Variants in NBPF19 observed in about 807,000 individuals in gnomAD.
The protein encoded by NBPF19 is NBPF family member NBPF19.
A neutral mutation model predicts 45.9 loss-of-function variants in NBPF19; 30 were observed. The observed-to-expected ratio is 0.65, with a 90% CI of 0.49 to 0.89. The LOEUF (loss-of-function observed/expected upper bound fraction) is 0.89. Among genes scored for constraint, NBPF19 ranks in the 40% least tolerant of loss-of-function variants. The pLI is 0.00. For missense variants in NBPF19, 495 were observed against 471.8 expected (o/e 1.05, Z -0.46); for synonymous variants, 183 against 181.2 (o/e 1.01, Z -0.08).
Position 149,554,785 on chromosome 1 carries a change from A to G in NBPF19, c.*47A>G, listed in dbSNP as rs1232025765. 10 of 1,606,386 alleles carry G rather than the reference A, an allele frequency of 6.2e-6. No homozygotes were observed. The highest frequency in any genetic ancestry group is 3.3e-5 in the Admixed American group (2 of 59,832). On this transcript the variant is annotated 3_prime_UTR_variant, in exon 94 of 94. Transcript: ENST00000651566. ...GATGTCATTCCTGCAGGCAGGACCT[A>G]TAGGCACGTGAAGATTTGAATGAAA...
chr1:149,494,140 C>A (rs2085988607), intron 17 of NBPF19, among the ~76,000 whole-genome samples, 178 bp from the exon 18 acceptor site: 1 of 131,190 alleles, frequency 7.6e-6, no homozygotes, highest in Non-Finnish European at 1.6e-5. Flanking sequence ...CTTTCTCTTT[C>A]ATTCTTCTCT....
At chr1:149,478,431 A>G (rs1272555570) in intron 3 of NBPF19, among the ~76,000 whole-genome samples, 30 of 151,222 alleles carry the variant, frequency 2.0e-4, no homozygotes, top group Middle Eastern at 6.9e-3. Context: ...CACTCAATCA[A>G]TGTTGCCTTC....
At chr1:149,487,581 C>G (rs1304068745) in intron 9 of NBPF19, among the ~76,000 whole-genome samples, 198 bp downstream of exon 9, 1 of 150,794 alleles carries the variant, frequency 6.6e-6, no homozygotes, top group Non-Finnish European at 1.5e-5. Flanking sequence ...ATTTACTAAC[C>G]TAGTGAAAGT....
chr1:149,483,794 T>A (rs1285038892), intron 7 of NBPF19, among the ~76,000 whole-genome samples: 1 of 62,738 alleles, frequency 1.6e-5, no homozygotes, highest in Non-Finnish European at 3.0e-5. Flanking sequence ...TATGAAGCTT[T>A]GTTTGGCTGG....
intron 3 of NBPF19, among the ~76,000 whole-genome samples, chr1:149,478,407 T>G (rs1185501661): frequency 5.3e-5 from 8 of 151,364 alleles, no homozygotes; most frequent in East Asian, 1.9e-4. Flanking sequence ...ACTGACTGCG[T>G]CTTCTCATTC....
intron 7 of NBPF19, among the ~76,000 whole-genome samples, chr1:149,483,655 G>A (rs1330094740): frequency 2.7e-5 from 4 of 145,824 alleles, no homozygotes; most frequent in Non-Finnish European, 6.1e-5. Context: ...GCATGTTTTT[G>A]CAGTGGCTGG....
Position 149,554,854 on chromosome 1 carries a change from G to A in NBPF19, c.*116G>A. On this transcript the variant is annotated 3_prime_UTR_variant, in exon 94 of 94. Coordinates refer to ENST00000651566, the MANE Select transcript of NBPF19 (RefSeq NM_001351365.2). ...GCCCAGACATAGGATGGGTCAGTGG[G>A]CATGGCTCTTTTCCTATTCTCAAAC... 3.9e-6 allele frequency: 6 copies of A among 1,543,548 alleles called. 1 individual carries two copies. Among genetic ancestry groups the A allele is most frequent in the East Asian group, 4.5e-5 (2 of 44,486 alleles).
rs1559618562 is a variant in NBPF19, at chr1:149,485,371, G to GT, written c.825-756dup. ...TGGAATTTTCAGCTTTTGTGCTCTG[G>GT]TTTCTCCCCACCTTTGTGGTTTTAT... On this transcript the variant is annotated intron_variant, in intron 7 of 93. Coordinates refer to ENST00000651566, the MANE Select transcript of NBPF19 (RefSeq NM_001351365.2). Among the ~76,000 whole-genome samples the GT allele has an allele frequency of 2.3e-5, 3 of 128,800 alleles. No homozygotes were observed. In the East Asian group the frequency reaches 7.8e-4, roughly 34 times the overall value. The allele number at this position is 128,800 out of a possible 152,430, so 84.5% of individuals were successfully genotyped here. A position where few individuals can be genotyped will look rare whatever the true frequency, so the allele number is the denominator to read the frequency against.
intron 13 of NBPF19, among the ~76,000 whole-genome samples, 163 bp from the exon 14 acceptor site, chr1:149,490,976 G>C (rs1477969131): frequency 8.0e-6 from 1 of 125,448 alleles, no homozygotes; most frequent in Admixed American, 8.6e-5. Context: ...TTTCCATTTG[G>C]CCCTGTTCTG....
intron 9 of NBPF19, among the ~76,000 whole-genome samples, chr1:149,487,727 T>C (rs1454627834): frequency 6.7e-6 from 1 of 150,184 alleles, no homozygotes; most frequent in Non-Finnish European, 1.5e-5. Flanking sequence ...CAGAGTGTCC[T>C]TTGACTCCCT....
chr1:149,554,697 C>G lies in NBPF19; in HGVS notation c.11491C>G (p.Leu3831Val). The change falls in exon 94 of 94, where the codon CTC becomes GTC. Residue 3831 changes from leucine (L) to valine (V), a missense_variant. Transcript: ENST00000651566. Reference protein sequence around the residue: ...NRFFTLTVTSLHLVFQMLVIF... With the variant: ...NRFFTLTVTSVHLVFQMLVIF... Reference sequence around the variant, plus strand: ...GTTTTTTACTTTGACGGTGACAAGTCTCCATCTGGTGTTCCAGATGTTAGT... The same window carrying G: ...GTTTTTTACTTTGACGGTGACAAGTGTCCATCTGGTGTTCCAGATGTTAGT... The G allele has an allele frequency of 6.2e-7, 1 of 1,608,288 alleles. No individual in the cohort carries two copies. Among genetic ancestry groups the G allele is most frequent in the Non-Finnish European group, 8.5e-7 (1 of 1,176,702 alleles).
chr1:149,487,895 T>C (rs1305180673), intron 9 of NBPF19, 118 bp from the exon 10 acceptor site: 3 of 739,510 alleles, frequency 4.1e-6, no homozygotes, highest in South Asian at 1.4e-5. Flanking sequence ...GTTACCTCAC[T>C]AATGGATCTC....
intron 52 of NBPF19, among the ~76,000 whole-genome samples, chr1:149,521,746 G>A (rs2086756112): frequency 1.3e-4 from 1 of 7,672 alleles, no homozygotes; most frequent in Non-Finnish European, 2.7e-4. Flanking sequence ...ACTGGACCTG[G>A]GCAGATGTGA....
chr1:149,494,128 G>T lies in NBPF19; in HGVS notation c.1998-190G>T, dbSNP rs1344752306. 3.0e-5 allele frequency among the ~76,000 whole-genome samples: 4 copies of T among 132,288 alleles called. No individual in the cohort carries two copies. The East Asian group carries it at 9.7e-4, about 32-fold the overall frequency. The allele number at this position is 132,288 out of a possible 152,430, so 86.8% of individuals were successfully genotyped here. A position where few individuals can be genotyped will look rare whatever the true frequency, so the allele number is the denominator to read the frequency against. On this transcript the variant is annotated intron_variant, in intron 17 of 93. Transcript: ENST00000651566. ...TCTCTCTCTCTCTCTCCCTCTCCCT[G>T]TCTTTCTCTTTCATTCTTCTCTACC...
chr1:149,554,436 G>T lies in NBPF19; in HGVS notation c.11289-59G>T, dbSNP rs1471077014. On this transcript the variant is annotated intron_variant, in intron 93 of 93. Transcript: ENST00000651566. Reference sequence around the variant, plus strand: ...CCTTATGTGACTTCTGAAATCTAGTGGGGCTCTGTGGTGTCTGATTTTCCC... The same window carrying T: ...CCTTATGTGACTTCTGAAATCTAGTTGGGCTCTGTGGTGTCTGATTTTCCC... 6 of 1,607,558 alleles carry T rather than the reference G, an allele frequency of 3.7e-6. No homozygotes were observed. The East Asian group carries it at 1.3e-4, about 36-fold the overall frequency.
In NBPF19 at chr1:149,478,279, G is replaced by A. The variant is rs1396268817; in HGVS notation, c.278+232G>A. Among the ~76,000 whole-genome samples, 9 of 151,118 alleles carry A rather than the reference G, an allele frequency of 6.0e-5. 2 individuals carry two copies. Among genetic ancestry groups the A allele is most frequent in the Non-Finnish European group, 1.2e-4 (8 of 67,636 alleles). On this transcript the variant is annotated intron_variant, in intron 3 of 93. Transcript: ENST00000651566. The stretch of plus-strand genomic sequence containing the variant: ...CTTTTTCAAACAAGTAATTGTTGAG[G>A]TGAAATTTACATAACACAAAATTCA...
chr1:149,555,074 A>G lies in NBPF19; in HGVS notation c.*336A>G. ...TGTCTCTGAGCTTCTATACCTGCTC[A>G]AGGTCAGTGTCATCTTTGTGTTTAG... On this transcript the variant is annotated 3_prime_UTR_variant, in exon 94 of 94. Coordinates refer to ENST00000651566, the MANE Select transcript of NBPF19 (RefSeq NM_001351365.2). 5.3e-6 allele frequency: 2 copies of G among 380,350 alleles called. No individual in the cohort carries two copies. The highest frequency in any genetic ancestry group is 9.8e-6 in the Non-Finnish European group (2 of 204,012). 23.6% of individuals were successfully genotyped at this position (380,350 alleles called of 1,614,324 possible).
In NBPF19 at chr1:149,475,169, A is replaced by C. The variant is rs1197870124; in HGVS notation, c.-662A>C. On this transcript the variant is annotated 5_prime_UTR_variant, in exon 1 of 94. It removes the in-frame stop codon of an upstream open reading frame in the 5' UTR. Transcript: ENST00000651566. Reference sequence around the variant, plus strand: ...ATGGGATGCAGCAGCAAGAATACTGAGACAGGAAAGAAAATATTTTAAAAA... The same window carrying C: ...ATGGGATGCAGCAGCAAGAATACTGCGACAGGAAAGAAAATATTTTAAAAA... Among the ~76,000 whole-genome samples the C allele has an allele frequency of 6.7e-6, 1 of 148,792 alleles. No homozygotes were observed. Among genetic ancestry groups the C allele is most frequent in the Admixed American group, 6.7e-5 (1 of 14,844 alleles).
At position 149,487,901 on chromosome 1, in the gene NBPF19, A is replaced by ATC; in HGVS notation, c.1041-107_1041-106dup. 3 of 742,040 alleles carry ATC rather than the reference A, an allele frequency of 4.0e-6. No individual in the cohort carries two copies. In the East Asian group the frequency reaches 7.9e-5, roughly 20 times the overall value. The allele number at this position is 742,040 out of a possible 1,614,324, so 46.0% of individuals were successfully genotyped here. A position where few individuals can be genotyped will look rare whatever the true frequency, so the allele number is the denominator to read the frequency against. On this transcript the variant is annotated intron_variant, in intron 9 of 93. Transcript: ENST00000651566. ...CAATAATTTGTTACCTCACTAATGGATCTCTCCTTTTTCTTTTCAAACTCT... is the reference window on the plus strand; with the variant it reads ...CAATAATTTGTTACCTCACTAATGGATCTCTCTCCTTTTTCTTTTCAAACTCT...
Sources: gnomAD v4.1 joint callset for allele counts (sites outside exome capture counted in the v4.1 genomes callset) on GRCh38, gnomAD v4.1.1 for gene constraint, MANE v1.5 for transcripts, NCBI Gene and HGNC (gene_info 2026-07-23, HGNC 2026-07-21) for gene names.